The following PBX4 variants were observed in gnomAD, a reference collection of about 807,000 sequenced individuals.
PBX4 encodes the protein pre-B-cell leukemia transcription factor 4.
Under a neutral mutation model 35.1 loss-of-function variants are expected in PBX4, and 26 were observed. That is an observed-to-expected ratio of 0.74 (90% CI 0.54 to 1.03). The LOEUF (loss-of-function observed/expected upper bound fraction) is 1.03. Ranked by LOEUF, PBX4 falls within the 50% of genes least tolerant of loss-of-function variation. The pLI is 0.00. For synonymous variants in PBX4, 199 were observed against 204.2 expected, an observed-to-expected ratio of 0.97 and a Z score of 0.22; for missense variants, 448 against 504.3, an observed-to-expected ratio of 0.89 and a Z score of 1.07.
At position 19,599,339 on chromosome 19, in the gene PBX4, A is replaced by T; in HGVS notation, c.146T>A (p.Met49Lys). The T allele has an allele frequency of 6.2e-7, 1 of 1,613,558 alleles. No individual in the cohort carries two copies. Among genetic ancestry groups the T allele is most frequent in the Non-Finnish European group, 8.5e-7 (1 of 1,179,654 alleles). Reference protein sequence around the residue: ...ARKHALNCHRMKPALFSVLCE... With the variant: ...ARKHALNCHRKKPALFSVLCE... ...GAGCACGCTGAACAGAGCAGGCTTC[A>T]TCCGATGGCAATTCAGAGCATGCTT... The change falls in exon 2 of 8, where the codon ATG (methionine) becomes AAG (lysine). Residue 49 changes from methionine to lysine, a missense_variant. Met to Lys is a moderately conservative substitution (Grantham distance 95, BLOSUM62 -1). Transcript: ENST00000251203.
intron 2 of PBX4, among the ~76,000 whole-genome samples, chr19:19,594,867 G>A (rs1420218841): frequency 6.6e-6 from 1 of 151,962 alleles, no homozygotes; most frequent in Non-Finnish European, 1.5e-5. Flanking sequence ...GATTACAGGC[G>A]CATGCCACCA....
Position 19,593,206 on chromosome 19 carries a change from T to A in PBX4, c.193+6086A>T, listed in dbSNP as rs575060025. Among the ~76,000 whole-genome samples, 4 of 152,334 alleles carry A rather than the reference T, an allele frequency of 2.6e-5. No homozygotes were observed. In the South Asian group the frequency reaches 8.3e-4, roughly 32 times the overall value. The stretch of plus-strand genomic sequence containing the variant: ...CTGGGATTATAAGTGTGAGCCACCA[T>A]GTCCTGCCCCACCAGGCTTTAAATG... On this transcript the variant is annotated intron_variant, in intron 2 of 7. Coordinates refer to ENST00000251203, the MANE Select transcript of PBX4 (RefSeq NM_025245.3).
intron 2 of PBX4, among the ~76,000 whole-genome samples, chr19:19,576,211 G>A (rs946097844): frequency 2.8e-5 from 4 of 142,572 alleles, no homozygotes; most frequent in Non-Finnish European, 6.0e-5. Context: ...GCAACATGGT[G>A]AGATCCTGTT....
chr19:19,568,132 C>T (rs2061355441), intron 5 of PBX4, among the ~76,000 whole-genome samples: 2 of 147,168 alleles, frequency 1.4e-5, no homozygotes, highest in Admixed American at 6.7e-5. Flanking sequence ...CCTCAGGGAG[C>T]TCACACTCCA....
intron 2 of PBX4, among the ~76,000 whole-genome samples, chr19:19,596,042 G>A (rs894624571): frequency 6.6e-6 from 1 of 152,044 alleles, no homozygotes; most frequent in Non-Finnish European, 1.5e-5. Flanking sequence ...AGGCTGCAAT[G>A]AGCTGTGACT....
At chr19:19,570,061 G>T (rs993047359) in intron 4 of PBX4, 48 bp downstream of exon 4, 1 of 1,521,478 alleles carries the variant, frequency 6.6e-7, no homozygotes, top group Admixed American at 2.0e-5. Flanking sequence ...TTTCCCTCCA[G>T]TCCCTCAGAG....
At chr19:19,569,999 C>T (rs1286270639) in intron 4 of PBX4, 110 bp downstream of exon 4, 1 of 1,167,480 alleles carries the variant, frequency 8.6e-7, no homozygotes, top group African/African-American at 1.6e-5. Context: ...AGGCCTCCAA[C>T]CGTGACTGCA....
chr19:19,588,090 C>A, intron 2 of PBX4: 1 of 886,400 alleles, frequency 1.1e-6, no homozygotes, highest in East Asian at 2.7e-5. Flanking sequence ...ACTTACCAAT[C>A]ACCTCTTCTT....
intron 2 of PBX4, among the ~76,000 whole-genome samples, chr19:19,584,623 G>T (rs374807806): frequency 0.015 from 1,925 of 132,064 alleles, 63 homozygotes; most frequent in South Asian, 0.079. Flanking sequence ...CCAAGGGCTG[G>T]TTTTTTTTTT....
intron 5 of PBX4, 121 bp downstream of exon 5, chr19:19,569,328 G>A (rs906033843): frequency 7.6e-7 from 1 of 1,320,602 alleles, no homozygotes. Flanking sequence ...CCAAAGTGCT[G>A]GGATTCCAGC....
chr19:19,587,474 G>A lies in PBX4; in HGVS notation c.193+11818C>T, dbSNP rs190693411. 1.5e-3 allele frequency among the ~76,000 whole-genome samples: 233 copies of A among 150,978 alleles called. 1 individual carries two copies. The highest frequency in any genetic ancestry group is 5.5e-3 in the African/African-American group (227 of 41,158). ...GTGGTGGCGGACTCCTGTAATCCCA[G>A]CTACTTGGGCAGCTGAGGCAGGAGA... On this transcript the variant is annotated intron_variant, in intron 2 of 7. Coordinates refer to ENST00000251203, the MANE Select transcript of PBX4 (RefSeq NM_025245.3).
At chr19:19,615,347 A>T (rs377676452) in intron 1 of PBX4, among the ~76,000 whole-genome samples, 14 of 147,092 alleles carry the variant, frequency 9.5e-5, no homozygotes, top group East Asian at 3.9e-4. Flanking sequence ...GCCTTATATA[A>T]AAAAAAAAAA....
intron 2 of PBX4, among the ~76,000 whole-genome samples, chr19:19,574,574 A>T (rs183961707): frequency 1.1e-4 from 17 of 151,884 alleles, no homozygotes; most frequent in Middle Eastern, 3.4e-3. Flanking sequence ...CTGAAGGAAA[A>T]GTGTCCCTTT....
At chr19:19,566,040 G>C (rs902701778) in intron 5 of PBX4, among the ~76,000 whole-genome samples, 4 of 152,014 alleles carry the variant, frequency 2.6e-5, no homozygotes, top group African/African-American at 9.7e-5. Context: ...TGGGATTCCA[G>C]GCCCAGCCTC....
At chr19:19,573,360 C>CACACAT (rs1412881502) in intron 2 of PBX4, among the ~76,000 whole-genome samples, 2 of 149,500 alleles carry the variant, frequency 1.3e-5, no homozygotes, top group African/African-American at 4.9e-5. Flanking sequence ...CACACACACA[C>CACACAT]ACACACACAC....
At chr19:19,605,082 G>A (rs969232208) in intron 1 of PBX4, among the ~76,000 whole-genome samples, 18 of 151,534 alleles carry the variant, frequency 1.2e-4, no homozygotes, top group African/African-American at 4.3e-4. Context: ...TATAAAAATA[G>A]AAGAAACCTG....
In PBX4 at chr19:19,607,864, A is replaced by T. The variant is rs191626696; in HGVS notation, c.120-8499T>A. ...GATTTCAGTCCCTATGGAATAGAAT[A>T]CTACTTGAAAAAGTCTTCCTGAAAG... is the stretch of plus-strand genomic sequence containing the variant. On this transcript the variant is annotated intron_variant, in intron 1 of 7. Coordinates refer to ENST00000251203, the MANE Select transcript of PBX4 (RefSeq NM_025245.3). Among the ~76,000 whole-genome samples the T allele has an allele frequency of 2.0e-4, 31 of 152,366 alleles. No homozygotes were observed. The East Asian group carries it at 5.2e-3, about 26-fold the overall frequency.
intron 2 of PBX4, among the ~76,000 whole-genome samples, chr19:19,596,911 CAA>C (rs57080281): frequency 4.1e-4 from 40 of 96,750 alleles, no homozygotes; most frequent in African/African-American, 3.9e-4. Flanking sequence ...ACCCTGTCTC[CAA>C]AAAAAAAAAA....
rs2061517957 is a variant in PBX4, at chr19:19,590,199, C to T, written c.193+9093G>A. Reference sequence around the variant, plus strand: ...ACATTCTCATCCTCCCTAAAGATACCCCGTCTCTATGAGCAGTCACTCTTT... The same window carrying T: ...ACATTCTCATCCTCCCTAAAGATACTCCGTCTCTATGAGCAGTCACTCTTT... On this transcript the variant is annotated intron_variant, in intron 2 of 7. Transcript: ENST00000251203. Among the ~76,000 whole-genome samples the T allele has an allele frequency of 2.0e-5, 3 of 152,134 alleles. No homozygotes were observed. In the South Asian group the frequency reaches 6.2e-4, roughly 32 times the overall value.
Sources: gnomAD v4.1 joint callset for allele counts (sites outside exome capture counted in the v4.1 genomes callset) on GRCh38, gnomAD v4.1.1 for gene constraint, MANE v1.5 for transcripts, NCBI Gene and HGNC (gene_info 2026-07-23, HGNC 2026-07-21) for gene names.